The following FHIT variants were observed in gnomAD, a reference collection of about 807,000 sequenced individuals.
FHIT encodes fragile histidine triad diadenosine triphosphatase.
Under a neutral mutation model 17.9 loss-of-function variants are expected in FHIT, and 19 were observed. The observed-to-expected ratio is 1.06, with a 90% CI of 0.74 to 1.56. The LOEUF (loss-of-function observed/expected upper bound fraction) is 1.56, where lower values mean the gene tolerates loss of function less well. Among genes scored for constraint, FHIT ranks in the 40% most tolerant of loss-of-function variants. FHIT has a pLI of 0.00. For missense variants in FHIT, 248 were observed against 189.2 expected, an observed-to-expected ratio of 1.31 and a Z score of -1.82; for synonymous variants, 81 against 69.7, an observed-to-expected ratio of 1.16 and a Z score of -0.81.
intron 4 of FHIT, among the ~76,000 whole-genome samples, chr3:60,668,802 T>A (rs1406495867): frequency 3.3e-5 from 5 of 151,986 alleles, no homozygotes; most frequent in Non-Finnish European, 5.9e-5. Flanking sequence ...CCTGACCTCA[T>A]GATCCACCTG....
At chr3:60,204,660 G>C (rs886531877) in intron 5 of FHIT, among the ~76,000 whole-genome samples, 2 of 151,968 alleles carry the variant, frequency 1.3e-5, no homozygotes, top group African/African-American at 2.4e-5. Context: ...AAATTTAATA[G>C]AAGTCAGAAA....
chr3:60,831,753 C>A (rs1240294355), intron 3 of FHIT, among the ~76,000 whole-genome samples: 1 of 152,042 alleles, frequency 6.6e-6, no homozygotes, highest in Non-Finnish European at 1.5e-5. Context: ...TTGTCCAAGA[C>A]CACCCAGCTG....
chr3:60,242,108 TA>T (rs568800222), intron 5 of FHIT, among the ~76,000 whole-genome samples: 1 of 152,122 alleles, frequency 6.6e-6, no homozygotes, highest in Non-Finnish European at 1.5e-5. Context: ...TGGTAACAAC[TA>T]AAAATATGTA....
chr3:61,032,586 A>T (rs1176557118), intron 3 of FHIT, among the ~76,000 whole-genome samples: 1 of 152,202 alleles, frequency 6.6e-6, no homozygotes, highest in East Asian at 1.9e-4. Context: ...CCCAGAGGCC[A>T]GACATATTAA....
chr3:60,206,171 A>AATTATTATTATTATT (rs72133262), intron 5 of FHIT, among the ~76,000 whole-genome samples: 1 of 143,938 alleles, frequency 6.9e-6, no homozygotes, highest in Non-Finnish European at 1.5e-5. Flanking sequence ...TAATAATAAT[A>AATTATTATTATTATT]ATTATAACAC....
chr3:60,741,697 T>C (rs1553713923), intron 4 of FHIT, among the ~76,000 whole-genome samples: 1 of 152,188 alleles, frequency 6.6e-6, no homozygotes, highest in African/African-American at 2.4e-5. Flanking sequence ...CTCCTTCTTA[T>C]CCATTCATTA....
In FHIT at chr3:60,771,884, G is replaced by T. The variant is rs529337442; in HGVS notation, c.-18+50035C>A. Among the ~76,000 whole-genome samples, 102 of 152,186 alleles carry T rather than the reference G, an allele frequency of 6.7e-4. 1 individual carries two copies. The highest frequency in any genetic ancestry group is 3.4e-3 in the Middle Eastern group (1 of 294). Reference sequence around the variant, plus strand: ...AAAAAATTCACATTCTCTTCTTCAAGAATTTTTATTAAGCCAAGATGTCAT... The same window carrying T: ...AAAAAATTCACATTCTCTTCTTCAATAATTTTTATTAAGCCAAGATGTCAT... On this transcript the variant is annotated intron_variant, in intron 4 of 9. Transcript: ENST00000492590.
intron 3 of FHIT, among the ~76,000 whole-genome samples, chr3:60,823,247 A>T (rs2106777807): frequency 6.6e-6 from 1 of 152,292 alleles, no homozygotes; most frequent in African/African-American, 2.4e-5. Flanking sequence ...GACTCTGGAG[A>T]AACACAAAGT....
intron 4 of FHIT, among the ~76,000 whole-genome samples, chr3:60,752,127 G>A (rs1553717003): frequency 6.6e-6 from 1 of 152,136 alleles, no homozygotes; most frequent in Non-Finnish European, 1.5e-5. Flanking sequence ...GTATTCCATA[G>A]TCTTCAAATT....
intron 4 of FHIT, among the ~76,000 whole-genome samples, chr3:60,682,078 TCTC>T (rs1174125916): frequency 1.3e-5 from 2 of 151,874 alleles, no homozygotes; most frequent in Non-Finnish European, 1.5e-5. Context: ...TTCAAGCAAT[TCTC>T]CTGCCTCAGC....
intron 7 of FHIT, among the ~76,000 whole-genome samples, chr3:59,994,199 A>G (rs919373978): frequency 6.6e-6 from 1 of 152,114 alleles, no homozygotes; most frequent in Non-Finnish European, 1.5e-5. Flanking sequence ...AAGATAAGCC[A>G]TGTGACACAA....
intron 2 of FHIT, among the ~76,000 whole-genome samples, chr3:61,057,381 A>T (rs1204610552): frequency 6.6e-6 from 1 of 152,160 alleles, no homozygotes; most frequent in Non-Finnish European, 1.5e-5. Context: ...TGGCATCCAT[A>T]TGTTACTCAA....
intron 3 of FHIT, among the ~76,000 whole-genome samples, chr3:60,864,528 C>T (rs1252457638): frequency 1.3e-5 from 2 of 152,066 alleles, no homozygotes; most frequent in Non-Finnish European, 2.9e-5. Context: ...GAAGAAACTG[C>T]ATTGGTAAAG....
chr3:59,987,137 T>A (rs988937215), intron 7 of FHIT, among the ~76,000 whole-genome samples: 1 of 144,446 alleles, frequency 6.9e-6, no homozygotes, highest in Non-Finnish European at 1.5e-5. Flanking sequence ...ATAAAATATA[T>A]AATTATATAA....
intron 5 of FHIT, among the ~76,000 whole-genome samples, chr3:60,269,930 C>G (rs373178935): frequency 2.6e-5 from 4 of 152,176 alleles, no homozygotes; most frequent in Non-Finnish European, 5.9e-5. Flanking sequence ...GTTATAAACT[C>G]ATGGGTTGGT....
At chr3:60,258,575 TA>T (rs35928440) in intron 5 of FHIT, among the ~76,000 whole-genome samples, 61,854 of 151,882 alleles carry the variant, frequency 0.41, 15,191 homozygotes, top group Non-Finnish European at 0.56. Flanking sequence ...GATAGTAGTA[TA>T]GGGGAAAAAT....
At chr3:60,098,799 C>T (rs1029554401) in intron 5 of FHIT, among the ~76,000 whole-genome samples, 4 of 152,034 alleles carry the variant, frequency 2.6e-5, no homozygotes, top group East Asian at 1.9e-4. Context: ...AATGTGTTAA[C>T]TGATTGTGTT....
At chr3:60,816,015 T>G (rs914954354) in intron 4 of FHIT, among the ~76,000 whole-genome samples, 28 of 151,950 alleles carry the variant, frequency 1.8e-4, no homozygotes, top group African/African-American at 6.5e-4. Context: ...GTAAATGAGA[T>G]TTCCTTCTTG....
chr3:60,262,767 T>G (rs572553634), intron 5 of FHIT, among the ~76,000 whole-genome samples: 1 of 151,870 alleles, frequency 6.6e-6, no homozygotes, highest in East Asian at 1.9e-4. Flanking sequence ...CAGCTGTGAA[T>G]CTCTTACCTA....
Sources: gnomAD v4.1 joint callset for allele counts (sites outside exome capture counted in the v4.1 genomes callset) on GRCh38, gnomAD v4.1.1 for gene constraint, MANE v1.5 for transcripts, NCBI Gene and HGNC (gene_info 2026-07-23, HGNC 2026-07-21) for gene names.